Variants in SIL1 observed in about 807,000 individuals in gnomAD.
SIL1 encodes SIL1 nucleotide exchange factor.
In SIL1, 40 loss-of-function variants were observed where a neutral mutation model predicts 49.1. The observed-to-expected ratio is 0.81, with a 90% CI of 0.63 to 1.06. SIL1 has a LOEUF of 1.06. SIL1 is among the 50% of genes least tolerant of loss of function. SIL1 has a pLI of 0.00. For missense variants in SIL1, 500 were observed against 572.6 expected (o/e 0.87, Z 1.29); for synonymous variants, 253 against 250.8 (o/e 1.01, Z -0.08).
chr5:139,035,547 C>T (rs1309051750), intron 5 of SIL1: 4 of 499,980 alleles, frequency 8.0e-6, no homozygotes, highest in Non-Finnish European at 1.6e-5. Context: ...ACCCAGGGGG[C>T]CAATCTTGGG....
chr5:139,049,581 G>C (rs1769242832), intron 4 of SIL1, among the ~76,000 whole-genome samples: 1 of 152,100 alleles, frequency 6.6e-6, no homozygotes, highest in Non-Finnish European at 1.5e-5. Flanking sequence ...TTGAGTCCAG[G>C]AGTTTAAGAC....
chr5:139,116,631 A>T (rs574858572), intron 3 of SIL1, among the ~76,000 whole-genome samples: 16 of 152,346 alleles, frequency 1.1e-4, no homozygotes, highest in African/African-American at 3.8e-4. Context: ...ATATATTTTT[A>T]AAAAGACTAT....
chr5:139,152,639 A>AG (rs1435585514), intron 1 of SIL1, among the ~76,000 whole-genome samples: 1 of 151,390 alleles, frequency 6.6e-6, no homozygotes, highest in East Asian at 1.9e-4. Flanking sequence ...AAAAAAGAAA[A>AG]GAAAAAAAAA....
At chr5:139,037,941 C>G (rs1167198071) in intron 5 of SIL1, among the ~76,000 whole-genome samples, 1 of 152,198 alleles carries the variant, frequency 6.6e-6, no homozygotes, top group Non-Finnish European at 1.5e-5. Flanking sequence ...AGTCCAAGAT[C>G]AAGGAATGAG....
At chr5:139,162,117 G>A (rs79047908) in intron 1 of SIL1, among the ~76,000 whole-genome samples, 87 of 152,066 alleles carry the variant, frequency 5.7e-4, no homozygotes, top group Middle Eastern at 3.4e-3. Flanking sequence ...CAGGCCCTAC[G>A]AAAGGAGAAC....
chr5:139,087,505 A>G (rs1361213204), intron 3 of SIL1, among the ~76,000 whole-genome samples: 1 of 152,146 alleles, frequency 6.6e-6, no homozygotes, highest in Non-Finnish European at 1.5e-5. Context: ...TGATGATGCC[A>G]CTGCACCCCA....
chr5:139,197,727 G>C (rs760297290), intron 1 of SIL1, among the ~76,000 whole-genome samples: 18 of 152,192 alleles, frequency 1.2e-4, no homozygotes, highest in South Asian at 8.3e-4. Flanking sequence ...AGCTGCCCAC[G>C]CACCATCTTA....
intron 7 of SIL1, among the ~76,000 whole-genome samples, chr5:138,954,715 C>T (rs1766863008): frequency 6.6e-6 from 1 of 152,266 alleles, no homozygotes; most frequent in Non-Finnish European, 1.5e-5. Context: ...TAAATGCTCA[C>T]AGCCTGGGGC....
At chr5:138,952,191 G>A (rs919917717) in intron 7 of SIL1, among the ~76,000 whole-genome samples, 4 of 152,212 alleles carry the variant, frequency 2.6e-5, no homozygotes, top group Admixed American at 6.5e-5. Context: ...TTTCGATGCC[G>A]AAGGTGCTCC....
intron 3 of SIL1, among the ~76,000 whole-genome samples, chr5:139,094,442 C>A (rs1770410564): frequency 6.6e-6 from 1 of 152,198 alleles, no homozygotes; most frequent in Middle Eastern, 3.4e-3. Context: ...ATAAACAACA[C>A]TAAGTAAAAT....
chr5:139,056,232 C>A (rs938970185), intron 3 of SIL1, among the ~76,000 whole-genome samples: 2 of 151,106 alleles, frequency 1.3e-5, no homozygotes, highest in Non-Finnish European at 3.0e-5. Flanking sequence ...TGAGGAGCGC[C>A]TCTTCCCGGC....
chr5:139,034,012 T>C lies in SIL1; in HGVS notation c.454-7020A>G, dbSNP rs1410987952. Among the ~76,000 whole-genome samples, 4 of 152,200 alleles carry C rather than the reference T, an allele frequency of 2.6e-5. No homozygotes were observed. The East Asian group carries it at 7.7e-4, about 29-fold the overall frequency. ...TATTTTTATATACAAATAAAAGTGGTACATACACATTTAGAATTACTGTAT... is the reference window on the plus strand; with the variant it reads ...TATTTTTATATACAAATAAAAGTGGCACATACACATTTAGAATTACTGTAT... On this transcript the variant is annotated intron_variant, in intron 5 of 9. Coordinates refer to ENST00000394817, the MANE Select transcript of SIL1 (RefSeq NM_022464.5).
intron 1 of SIL1, among the ~76,000 whole-genome samples, chr5:139,129,084 T>A (rs957319626): frequency 1.3e-4 from 20 of 152,104 alleles, no homozygotes; most frequent in African/African-American, 4.6e-4. Flanking sequence ...GAGGCAAAGG[T>A]TGCGGTGAGC....
chr5:139,054,786 C>T (rs1369359387), intron 3 of SIL1, among the ~76,000 whole-genome samples: 1 of 152,074 alleles, frequency 6.6e-6, no homozygotes, highest in East Asian at 1.9e-4. Flanking sequence ...ACATAAGCCA[C>T]CACAGGGGGC....
At chr5:139,148,035 C>T (rs1394785322) in intron 1 of SIL1, among the ~76,000 whole-genome samples, 1 of 151,268 alleles carries the variant, frequency 6.6e-6, no homozygotes, top group East Asian at 1.9e-4. Flanking sequence ...CACAGGGCAG[C>T]AAGAACATGA....
intron 1 of SIL1, among the ~76,000 whole-genome samples, chr5:139,161,025 C>A (rs1443065827): frequency 1.3e-5 from 2 of 152,044 alleles, no homozygotes; most frequent in African/African-American, 4.8e-5. Context: ...GGGTGGATCA[C>A]CTGAGGTCAG....
At chr5:139,102,418 C>T (rs1770606752) in intron 3 of SIL1, among the ~76,000 whole-genome samples, 1 of 150,746 alleles carries the variant, frequency 6.6e-6, no homozygotes, top group East Asian at 1.9e-4. Flanking sequence ...TTGTTGTTGT[C>T]TCCCTTTGTG....
chr5:139,097,091 T>C (rs543017716), intron 3 of SIL1, among the ~76,000 whole-genome samples: 3 of 152,218 alleles, frequency 2.0e-5, no homozygotes, highest in Admixed American at 2.0e-4. Context: ...GGCCACACTT[T>C]CCAAAGGTGG....
At chr5:139,098,174 C>T (rs990384399) in intron 3 of SIL1, among the ~76,000 whole-genome samples, 11 of 152,186 alleles carry the variant, frequency 7.2e-5, no homozygotes, top group African/African-American at 2.7e-4. Flanking sequence ...GGAGGAATCA[C>T]ATTACCTGAC....
Sources: allele counts gnomAD v4.1 joint callset (sites outside exome capture counted in the v4.1 genomes callset), GRCh38; gene constraint gnomAD v4.1.1; transcripts MANE v1.5; gene names NCBI Gene and HGNC (gene_info 2026-07-23, HGNC 2026-07-21).